The following FAM20B variants were observed in gnomAD, a reference collection of about 807,000 sequenced individuals.
The protein encoded by FAM20B is FAM20B glycosaminoglycan xylosylkinase, also known as glycosaminoglycan xylosylkinase.
Under a neutral mutation model 43.8 loss-of-function variants are expected in FAM20B, and 23 were observed. The observed-to-expected ratio is 0.53, with a 90% CI of 0.38 to 0.74. FAM20B has a LOEUF of 0.74. Ranked by LOEUF, FAM20B falls within the 30% of genes least tolerant of loss-of-function variation. The pLI is 0.00. For missense variants in FAM20B, 440 were observed against 510.5 expected (o/e 0.86, Z 1.33); for synonymous variants, 178 against 192.4 (o/e 0.93, Z 0.62).
intron 7 of FAM20B, among the ~76,000 whole-genome samples, chr1:179,068,834 A>G (rs761804668): frequency 6.6e-6 from 1 of 152,210 alleles, no homozygotes; most frequent in Non-Finnish European, 1.5e-5. Flanking sequence ...TCCCCTCCCA[A>G]TGACTGGAGT....
intron 4 of FAM20B, 123 bp from the exon 5 acceptor site, chr1:179,063,804 A>G: frequency 1.5e-6 from 1 of 652,350 alleles, no homozygotes; most frequent in South Asian, 2.5e-5. Context: ...GAAATATAGT[A>G]AACTCAGGGT....
intron 1 of FAM20B, among the ~76,000 whole-genome samples, chr1:179,032,124 G>T (rs1469628645): frequency 6.6e-6 from 1 of 152,052 alleles, no homozygotes; most frequent in Non-Finnish European, 1.5e-5. Flanking sequence ...GCAATGTGTG[G>T]ATTTGGCCCC....
chr1:179,065,593 C>A (rs1488060385), intron 6 of FAM20B, among the ~76,000 whole-genome samples: 2 of 152,220 alleles, frequency 1.3e-5, no homozygotes, highest in Admixed American at 1.3e-4. Context: ...ATGCCACCAT[C>A]TTATACTGAA....
At chr1:179,062,233 A>C (rs1432195071) in intron 4 of FAM20B, among the ~76,000 whole-genome samples, 2 of 152,136 alleles carry the variant, frequency 1.3e-5, no homozygotes, top group African/African-American at 4.8e-5. Context: ...AGGTGTGCTC[A>C]TTACTTCCTG....
In FAM20B at chr1:179,072,557, CT is replaced by C. The variant is rs11299711; in HGVS notation, c.*425del. ...TGGAAACACTTTGCAATCTCTTTGT[CT>C]TTTTTTTTTTTACCAGAACTAGTTA... On this transcript the variant is annotated 3_prime_UTR_variant, in exon 8 of 8. Coordinates refer to ENST00000263733, the MANE Select transcript of FAM20B (RefSeq NM_014864.4). 108,130 of 161,452 alleles carry C rather than the reference CT, an allele frequency of 0.67. 36,329 individuals carry two copies. The highest frequency in any genetic ancestry group is 0.84 in the African/African-American group (34,683 of 41,200). 10.0% of individuals were successfully genotyped at this position (161,452 alleles called of 1,614,324 possible).
chr1:179,044,057 G>C lies in FAM20B; in HGVS notation c.210G>C (p.Trp70Cys). ...CTCCCTGGGAGATTGCAGCCCAGTG[G>C]GTGGTTCCCCGGGAAGTGTACCCTG... is the stretch of plus-strand genomic sequence containing the variant. ...LQSPWEIAAQ[W>C]VVPREVYPEE... Residue 70 changes from tryptophan (W) to cysteine (C), a missense_variant, in exon 2 of 8, where the codon TGG becomes TGC. Coordinates refer to ENST00000263733, the MANE Select transcript of FAM20B (RefSeq NM_014864.4). The C allele has an allele frequency of 6.2e-7, 1 of 1,614,158 alleles. No individual in the cohort carries two copies. The highest frequency in any genetic ancestry group is 8.5e-7 in the Non-Finnish European group (1 of 1,180,032).
At chr1:179,064,207 AG>A in intron 5 of FAM20B, 97 bp from the exon 6 acceptor site, 3 of 1,416,220 alleles carry the variant, frequency 2.1e-6, no homozygotes, top group Non-Finnish European at 2.9e-6. Flanking sequence ...CTGTGGAGTC[AG>A]GGGCAAACCG....
chr1:179,056,504 C>T (rs1420621725), intron 4 of FAM20B, among the ~76,000 whole-genome samples: 2 of 152,134 alleles, frequency 1.3e-5, no homozygotes, highest in African/African-American at 4.8e-5. Context: ...GACTAATGTT[C>T]CATTGTCTGA....
intron 4 of FAM20B, among the ~76,000 whole-genome samples, chr1:179,058,976 T>C (rs1651345013): frequency 6.6e-6 from 1 of 152,146 alleles, no homozygotes; most frequent in Non-Finnish European, 1.5e-5. Flanking sequence ...AGGAGCATAT[T>C]TAGGGAGGTG....
intron 3 of FAM20B, among the ~76,000 whole-genome samples, chr1:179,054,239 A>G (rs960426170): frequency 6.6e-6 from 1 of 152,004 alleles, no homozygotes; most frequent in African/African-American, 2.4e-5. Context: ...TTTCTATCAT[A>G]CAAAAGTAGA....
At chr1:179,052,904 A>C (rs1442364341) in intron 3 of FAM20B, among the ~76,000 whole-genome samples, 1 of 152,190 alleles carries the variant, frequency 6.6e-6, no homozygotes, top group East Asian at 1.9e-4. Context: ...TTTCTGTACC[A>C]GTGTTTTGTA....
At chr1:179,019,101 A>G in the FAM20B span, among the ~76,000 whole-genome samples, 1 of 152,228 alleles carries the variant, frequency 6.6e-6, no homozygotes, top group Non-Finnish European at 1.5e-5. Flanking sequence ...GGGGAGGGCC[A>G]TCTGCTTGAC....
intron 6 of FAM20B, among the ~76,000 whole-genome samples, chr1:179,066,597 TCA>T (rs1651698416): frequency 1.3e-5 from 2 of 152,256 alleles, no homozygotes; most frequent in East Asian, 3.9e-4. Flanking sequence ...ATATTTGTTG[TCA>T]GATATTTTAG....
At chr1:179,031,932 A>C (rs910449015) in intron 1 of FAM20B, among the ~76,000 whole-genome samples, 1 of 152,182 alleles carries the variant, frequency 6.6e-6, no homozygotes, top group Admixed American at 6.5e-5. Flanking sequence ...AGTGTGGTAG[A>C]ATTGAACTTT....
Position 179,044,293 on chromosome 1 carries a change from T to C in FAM20B, c.377+69T>C, listed in dbSNP as rs548471249. 10 of 1,499,948 alleles carry C rather than the reference T, an allele frequency of 6.7e-6. No homozygotes were observed. In the African/African-American group the frequency reaches 1.3e-4, roughly 19 times the overall value. The allele number at this position is 1,499,948 out of a possible 1,614,324, so 92.9% of individuals were successfully genotyped here. ...CATTTAACTTGGGATTTATATAAGATTTATTTTGTCATCTTCTCTTGGAAG... is the reference window on the plus strand; with the variant it reads ...CATTTAACTTGGGATTTATATAAGACTTATTTTGTCATCTTCTCTTGGAAG... On this transcript the variant is annotated intron_variant, in intron 2 of 7. Transcript: ENST00000263733.
intron 1 of FAM20B, among the ~76,000 whole-genome samples, chr1:179,043,476 G>A (rs758503167): frequency 6.6e-6 from 1 of 152,224 alleles, no homozygotes; most frequent in African/African-American, 2.4e-5. Context: ...CGTGGAGTGT[G>A]CAGCCCTGGC....
chr1:179,065,951 C>T (rs1319352820), intron 6 of FAM20B, among the ~76,000 whole-genome samples: 1 of 152,092 alleles, frequency 6.6e-6, no homozygotes, highest in African/African-American at 2.4e-5. Context: ...GAGGTAAACA[C>T]GCTCCCTCTG....
At chr1:179,043,266 C>T in intron 1 of FAM20B, among the ~76,000 whole-genome samples, 1 of 152,234 alleles carries the variant, frequency 6.6e-6, no homozygotes, top group South Asian at 2.1e-4. Context: ...CACGACATCA[C>T]CTGGGCTTTG....
At chr1:179,024,366 G>A (rs1166285764), upstream of FAM20B, among the ~76,000 whole-genome samples, 1 of 152,184 alleles carries the variant, frequency 6.6e-6, no homozygotes, top group Non-Finnish European at 1.5e-5. Context: ...CAGAGTTACA[G>A]GCAAGAAAGG....
Sources: gnomAD v4.1 joint callset for allele counts (sites outside exome capture counted in the v4.1 genomes callset) on GRCh38, gnomAD v4.1.1 for gene constraint, MANE v1.5 for transcripts, NCBI Gene and HGNC (gene_info 2026-07-23, HGNC 2026-07-21) for gene names.